CAMK1D: variants seen among roughly 807,000 people sequenced by gnomAD.
CAMK1D encodes calcium/calmodulin dependent protein kinase ID.
In CAMK1D, 9 loss-of-function variants were observed where a neutral mutation model predicts 47.7. That is an observed-to-expected ratio of 0.19 (90% CI 0.11 to 0.33). CAMK1D has a LOEUF of 0.33. Ranked by LOEUF, CAMK1D falls within the 10% of genes least tolerant of loss-of-function variation. The pLI is 1.00. For missense variants in CAMK1D, 291 were observed against 488.7 expected, an observed-to-expected ratio of 0.60 and a Z score of 3.81; for synonymous variants, 184 against 184.9, an observed-to-expected ratio of 0.99 and a Z score of 0.04.
At chr10:12,814,151 T>C in intron 6 of CAMK1D, 44 bp from the exon 7 acceptor site, 1 of 1,258,266 alleles carries the variant, frequency 7.9e-7, no homozygotes, top group Non-Finnish European at 1.2e-6. Context: ...GTCACCACAC[T>C]GGTTATGCAG....
At chr10:12,750,274 C>T (rs1397999778) in intron 3 of CAMK1D, among the ~76,000 whole-genome samples, 2 of 152,220 alleles carry the variant, frequency 1.3e-5, no homozygotes, top group African/African-American at 4.8e-5. Flanking sequence ...TGTCCCCACC[C>T]GGGGGTCACT....
intron 3 of CAMK1D, among the ~76,000 whole-genome samples, chr10:12,684,027 G>C (rs1009260772): frequency 6.6e-6 from 1 of 152,048 alleles, no homozygotes; most frequent in African/African-American, 2.4e-5. Context: ...AAATTAGGCC[G>C]TAAGGAATAG....
intron 2 of CAMK1D, among the ~76,000 whole-genome samples, chr10:12,561,118 C>T (rs564004081): frequency 9.9e-5 from 15 of 152,022 alleles, no homozygotes; most frequent in South Asian, 2.1e-4. Flanking sequence ...AGGGTTTCAC[C>T]GTGTTAGCCA....
chr10:12,623,127 T>TCTTC (rs1249875257), intron 2 of CAMK1D, among the ~76,000 whole-genome samples: 11 of 53,050 alleles, frequency 2.1e-4, no homozygotes, highest in African/African-American at 3.8e-4. Context: ...CTTCTTTCCT[T>TCTTC]CCTCCCTCCC....
chr10:12,580,463 G>C lies in CAMK1D; in HGVS notation c.224+27107G>C, dbSNP rs1317204458. 2.6e-5 allele frequency among the ~76,000 whole-genome samples: 4 copies of C among 151,214 alleles called. No homozygotes were observed. In the East Asian group the frequency reaches 7.8e-4, roughly 29 times the overall value. ...TAGTGACTCTGCAATTGTTGAATTA[G>C]CTACAGATTAACTCCTCTGAGAACT... On this transcript the variant is annotated intron_variant, in intron 2 of 10. Coordinates refer to ENST00000619168, the MANE Select transcript of CAMK1D (RefSeq NM_153498.4).
At chr10:12,510,246 C>A (rs112290338) in intron 1 of CAMK1D, among the ~76,000 whole-genome samples, 7,778 of 152,232 alleles carry the variant, frequency 0.051, 285 homozygotes, top group Admixed American at 0.12. Context: ...AAAAACTCAT[C>A]TCCACTAAAA....
At chr10:12,463,174 C>T (rs979641794) in intron 1 of CAMK1D, among the ~76,000 whole-genome samples, 20 of 144,472 alleles carry the variant, frequency 1.4e-4, no homozygotes, top group African/African-American at 5.1e-4. Flanking sequence ...CTTTCTCTGT[C>T]GTTCAGGCAG....
intron 1 of CAMK1D, among the ~76,000 whole-genome samples, chr10:12,545,855 A>G (rs1047713551): frequency 4.6e-5 from 7 of 152,128 alleles, no homozygotes; most frequent in African/African-American, 1.7e-4. Flanking sequence ...AAAAGGAATG[A>G]ATGACGTTCA....
chr10:12,788,014 A>G (rs1395017241), intron 5 of CAMK1D, among the ~76,000 whole-genome samples: 2 of 152,180 alleles, frequency 1.3e-5, no homozygotes, highest in Non-Finnish European at 2.9e-5. Flanking sequence ...TGTGACACAG[A>G]TAAGACACAA....
chr10:12,536,837 G>T (rs74116956), intron 1 of CAMK1D, among the ~76,000 whole-genome samples: 5 of 152,148 alleles, frequency 3.3e-5, no homozygotes, highest in African/African-American at 1.2e-4. Flanking sequence ...AATGCATGTA[G>T]ATCTCATCAG....
At chr10:12,609,344 T>A (rs966348488) in intron 2 of CAMK1D, among the ~76,000 whole-genome samples, 1 of 151,924 alleles carries the variant, frequency 6.6e-6, no homozygotes, top group Non-Finnish European at 1.5e-5. Context: ...GGAGACGGGG[T>A]GGGGGAAATG....
intron 1 of CAMK1D, among the ~76,000 whole-genome samples, chr10:12,533,202 CCTA>C (rs1835864859): frequency 1.3e-5 from 2 of 152,114 alleles, no homozygotes; most frequent in African/African-American, 4.8e-5. Context: ...AATATATACA[CCTA>C]CTGTGTACCC....
At position 12,822,416 on chromosome 10, in the gene CAMK1D, A is replaced by C. The variant is rs189744817; in HGVS notation, c.834-2049A>C. Among the ~76,000 whole-genome samples the C allele has an allele frequency of 3.9e-5, 6 of 152,330 alleles. No individual in the cohort carries two copies. The East Asian group carries it at 1.2e-3, about 29-fold the overall frequency. On this transcript the variant is annotated intron_variant, in intron 8 of 10. Transcript: ENST00000619168. ...AGCATGAAGCATTCCTAAAATAATT[A>C]GAAGCTTCTGTTTTCTTACATCTGG...
chr10:12,411,429 C>T (rs937471653), intron 1 of CAMK1D, among the ~76,000 whole-genome samples: 5 of 152,240 alleles, frequency 3.3e-5, no homozygotes, highest in South Asian at 2.1e-4. Flanking sequence ...TTGGGTCAGG[C>T]GGCTCCCAGC....
chr10:12,823,541 G>T (rs1450269994), intron 8 of CAMK1D, among the ~76,000 whole-genome samples: 1 of 151,886 alleles, frequency 6.6e-6, no homozygotes, highest in Non-Finnish European at 1.5e-5. Context: ...TCTCAGCCTG[G>T]ATATTGTGAG....
intron 3 of CAMK1D, among the ~76,000 whole-genome samples, chr10:12,683,436 T>C (rs1832527112): frequency 6.6e-6 from 1 of 152,180 alleles, no homozygotes; most frequent in Non-Finnish European, 1.5e-5. Context: ...AATTTATCAA[T>C]TCATAAATTA....
intron 1 of CAMK1D, among the ~76,000 whole-genome samples, chr10:12,398,086 AAC>A (rs1380910251): frequency 6.6e-6 from 1 of 152,244 alleles, no homozygotes; most frequent in Non-Finnish European, 1.5e-5. Context: ...CTTGAAATAA[AAC>A]AGTTACATCA....
intron 10 of CAMK1D, among the ~76,000 whole-genome samples, chr10:12,827,627 C>T (rs1419173660): frequency 1.3e-5 from 1 of 74,574 alleles, no homozygotes; most frequent in African/African-American, 4.5e-5. Flanking sequence ...TCTCTCCTCT[C>T]TCCTCTCTCC....
chr10:12,379,271 A>G (rs1274508089), intron 1 of CAMK1D, among the ~76,000 whole-genome samples: 2 of 152,256 alleles, frequency 1.3e-5, no homozygotes, highest in East Asian at 3.8e-4. Flanking sequence ...TTTGGCCTGA[A>G]TCTCAGCATG....
Sources: allele counts gnomAD v4.1 joint callset (sites outside exome capture counted in the v4.1 genomes callset), GRCh38; gene constraint gnomAD v4.1.1; transcripts MANE v1.5; gene names NCBI Gene and HGNC (gene_info 2026-07-23, HGNC 2026-07-21).